The following PXDNL variants were observed in gnomAD, a reference collection of about 807,000 sequenced individuals.
PXDNL encodes probable oxidoreductase PXDNL.
PXDNL carries 145 observed loss-of-function variants against 150.8 expected under a neutral mutation model. The observed-to-expected ratio is 0.96, with a 90% CI of 0.84 to 1.10. PXDNL has a LOEUF of 1.10. Among genes scored for constraint, PXDNL ranks in the 50% least tolerant of loss-of-function variants. PXDNL has a pLI of 0.00. For synonymous variants in PXDNL, 757 were observed against 725.7 expected (o/e 1.04, Z -0.69); for missense variants, 2,087 against 1,873.9 (o/e 1.11, Z -2.10).
intron 3 of PXDNL, among the ~76,000 whole-genome samples, chr8:51,574,737 C>T (rs558953480): frequency 2.3e-4 from 35 of 152,010 alleles, no homozygotes; most frequent in South Asian, 4.1e-4. Context: ...AAACCACAGA[C>T]GCAAAAGGAA....
chr8:51,467,960 G>A (rs1469089881), intron 8 of PXDNL, among the ~76,000 whole-genome samples: 5 of 151,926 alleles, frequency 3.3e-5, no homozygotes, highest in South Asian at 2.1e-4. Flanking sequence ...ACTGAGAGAC[G>A]TAAAGAATCT....
At chr8:51,489,143 T>A (rs148958421) in intron 5 of PXDNL, among the ~76,000 whole-genome samples, 3 of 152,272 alleles carry the variant, frequency 2.0e-5, no homozygotes, top group African/African-American at 7.2e-5. Flanking sequence ...TGATCTAATA[T>A]TCAATTAAGG....
At chr8:51,770,002 T>A (rs1006184920) in intron 1 of PXDNL, among the ~76,000 whole-genome samples, 1 of 152,196 alleles carries the variant, frequency 6.6e-6, no homozygotes, top group Admixed American at 6.5e-5. Flanking sequence ...TAATGCTATT[T>A]TGTGAACATG....
intron 6 of PXDNL, among the ~76,000 whole-genome samples, chr8:51,477,215 A>G (rs1810499363): frequency 6.6e-6 from 1 of 152,228 alleles, no homozygotes; most frequent in Admixed American, 6.5e-5. Flanking sequence ...TTATAACTGT[A>G]TCTAAATTTT....
At chr8:51,608,653 C>T (rs28583186) in intron 2 of PXDNL, among the ~76,000 whole-genome samples, 27,429 of 142,270 alleles carry the variant, frequency 0.19, 3,676 homozygotes, top group African/African-American at 0.31. Flanking sequence ...CTGGCTAACA[C>T]GGTGAAACCC....
intron 3 of PXDNL, among the ~76,000 whole-genome samples, chr8:51,569,400 T>C (rs1186475743): frequency 6.6e-6 from 1 of 151,968 alleles, no homozygotes; most frequent in Non-Finnish European, 1.5e-5. Context: ...ATGAACAGAT[T>C]AGGGTGCTGA....
intron 1 of PXDNL, among the ~76,000 whole-genome samples, chr8:51,724,310 T>G (rs1816785271): frequency 1.3e-5 from 2 of 152,100 alleles, no homozygotes; most frequent in Admixed American, 1.3e-4. Context: ...CAGCTGCTTT[T>G]AAGAGCAGGC....
chr8:51,548,724 T>C (rs1387290421), intron 4 of PXDNL, among the ~76,000 whole-genome samples: 1 of 152,130 alleles, frequency 6.6e-6, no homozygotes, highest in African/African-American at 2.4e-5. Flanking sequence ...ATAGAACCTC[T>C]GTAAAGCACA....
At position 51,408,191 on chromosome 8, in the gene PXDNL, C is replaced by G. The variant is rs1245740036; in HGVS notation, c.3433G>C (p.Gly1145Arg). The G allele has an allele frequency of 1.2e-6, 2 of 1,613,846 alleles. No homozygotes were observed. The highest frequency in any genetic ancestry group is 2.2e-5 in the East Asian group (1 of 44,890). ...TATGGTGGGATCCCGTGGTCTCTAC[C>G]CCTTTGAATGATGGTGGCAGCCGAA... is the stretch of plus-strand genomic sequence containing the variant. ...VDSAATIIQRGRDHGIPPYVD... is the reference protein window; with the variant it reads ...VDSAATIIQRRRDHGIPPYVD... Residue 1145 changes from glycine (G) to arginine (R), a missense_variant, in exon 17 of 23, where the codon GGT (glycine) becomes CGT (arginine). Physicochemically the swap from Gly to Arg is moderately radical, Grantham distance 125. Transcript: ENST00000356297.
intron 1 of PXDNL, among the ~76,000 whole-genome samples, chr8:51,690,121 G>A (rs1815959086): frequency 6.6e-6 from 1 of 152,272 alleles, no homozygotes. Context: ...ATTGTCAATG[G>A]CTGATGAGCT....
At chr8:51,591,909 G>A (rs1813452420) in intron 3 of PXDNL, among the ~76,000 whole-genome samples, 2 of 152,174 alleles carry the variant, frequency 1.3e-5, no homozygotes, top group African/African-American at 4.8e-5. Context: ...GTGAGCCACC[G>A]TGCCCGGCCC....
At chr8:51,684,598 G>A (rs1033283236) in intron 1 of PXDNL, among the ~76,000 whole-genome samples, 2 of 152,176 alleles carry the variant, frequency 1.3e-5, no homozygotes, top group Non-Finnish European at 2.9e-5. Flanking sequence ...ATATGATTAA[G>A]GTTACTAATC....
At chr8:51,534,387 A>C (rs1201985387) in intron 4 of PXDNL, among the ~76,000 whole-genome samples, 160 of 116,978 alleles carry the variant, frequency 1.4e-3, no homozygotes, top group Middle Eastern at 0.012. Context: ...CCAGCCGCCC[A>C]GTCCGGGAGG....
chr8:51,786,940 T>G (rs991343631), intron 1 of PXDNL, among the ~76,000 whole-genome samples: 5 of 152,148 alleles, frequency 3.3e-5, no homozygotes, highest in African/African-American at 1.2e-4. Context: ...TGAAACCAAA[T>G]TTTATTTACC....
At chr8:51,601,327 G>A (rs1175647771) in intron 2 of PXDNL, among the ~76,000 whole-genome samples, 1 of 151,948 alleles carries the variant, frequency 6.6e-6, no homozygotes, top group African/African-American at 2.4e-5. Context: ...GGGTGTTGAA[G>A]TTCATGAATA....
chr8:51,473,149 T>A (rs1022963907), intron 7 of PXDNL, among the ~76,000 whole-genome samples: 2 of 151,564 alleles, frequency 1.3e-5, no homozygotes, highest in African/African-American at 4.8e-5. Flanking sequence ...TTGTGTAATT[T>A]AAAAAAAAAT....
chr8:51,723,866 A>G (rs1221572119), intron 1 of PXDNL, among the ~76,000 whole-genome samples: 1 of 152,064 alleles, frequency 6.6e-6, no homozygotes, highest in East Asian at 1.9e-4. Context: ...CGGACAGTAA[A>G]ACTGGTAGCA....
chr8:51,528,461 A>T (rs528316491), intron 4 of PXDNL, among the ~76,000 whole-genome samples: 437 of 152,354 alleles, frequency 2.9e-3, no homozygotes, highest in Non-Finnish European at 4.5e-3. Context: ...ACAGCCATTA[A>T]ATTGTGTTAC....
chr8:51,542,919 T>A (rs879763176), intron 4 of PXDNL, among the ~76,000 whole-genome samples: 1 of 152,200 alleles, frequency 6.6e-6, no homozygotes, highest in Non-Finnish European at 1.5e-5. Context: ...CTGGCTAAAG[T>A]TAATTATGTA....
Sources: allele counts gnomAD v4.1 joint callset (sites outside exome capture counted in the v4.1 genomes callset), GRCh38; gene constraint gnomAD v4.1.1; transcripts MANE v1.5; gene names NCBI Gene and HGNC (gene_info 2026-07-23, HGNC 2026-07-21).